Variants in EPB41 observed in about 807,000 individuals in gnomAD.
EPB41 encodes erythrocyte membrane protein band 4.1, also known as protein 4.1.
Under a neutral mutation model 108.0 loss-of-function variants are expected in EPB41, and 65 were observed. The observed-to-expected ratio is 0.60, with a 90% CI of 0.49 to 0.74. EPB41 has a LOEUF of 0.74. EPB41 is among the 30% of genes least tolerant of loss of function. EPB41 has a pLI of 0.00. For missense variants in EPB41, 875 were observed against 1,037.0 expected, an observed-to-expected ratio of 0.84 and a Z score of 2.15; for synonymous variants, 336 against 358.9, an observed-to-expected ratio of 0.94 and a Z score of 0.72.
intron 1 of EPB41, among the ~76,000 whole-genome samples, chr1:28,915,263 G>A (rs891294930): frequency 6.6e-6 from 1 of 152,130 alleles, no homozygotes; most frequent in East Asian, 1.9e-4. Context: ...AGGCCTTCCC[G>A]CCACCGACGC....
At chr1:29,100,952 C>T (rs1159577010) in intron 17 of EPB41, among the ~76,000 whole-genome samples, 3 of 150,224 alleles carry the variant, frequency 2.0e-5, no homozygotes, top group Non-Finnish European at 4.4e-5. Flanking sequence ...GGGCCGGGTG[C>T]AGTGGCTCAC....
intron 1 of EPB41, among the ~76,000 whole-genome samples, chr1:28,982,097 A>G (rs564052372): frequency 2.6e-4 from 38 of 144,430 alleles, no homozygotes; most frequent in Non-Finnish European, 4.7e-4. Flanking sequence ...TCCTGTGTCC[A>G]TGTGTTCTCG....
At chr1:29,060,516 G>T in intron 15 of EPB41, 32 bp downstream of exon 15, 4 of 1,586,394 alleles carry the variant, frequency 2.5e-6, no homozygotes, top group Non-Finnish European at 3.5e-6. Context: ...ATTTCAGTTG[G>T]TTGCCTGGAA....
At chr1:29,013,983 A>T (rs2096544351) in intron 5 of EPB41, among the ~76,000 whole-genome samples, 1 of 151,954 alleles carries the variant, frequency 6.6e-6, no homozygotes, top group Non-Finnish European at 1.5e-5. Flanking sequence ...ATAATCTGCA[A>T]TATTTTTTTC....
intron 7 of EPB41, among the ~76,000 whole-genome samples, chr1:29,021,768 G>A (rs1411763864): frequency 2.0e-5 from 3 of 152,056 alleles, no homozygotes; most frequent in Non-Finnish European, 4.4e-5. Context: ...ATATTTAGTA[G>A]AGACAAGGTT....
chr1:29,006,044 T>C (rs2096393855), intron 4 of EPB41, among the ~76,000 whole-genome samples: 2 of 152,188 alleles, frequency 1.3e-5, no homozygotes, highest in Admixed American at 1.3e-4. Context: ...TAGAACTAGA[T>C]TATTCAGAAT....
intron 1 of EPB41, among the ~76,000 whole-genome samples, chr1:28,975,132 A>G (rs895999867): frequency 6.6e-6 from 1 of 151,668 alleles, no homozygotes; most frequent in East Asian, 1.9e-4. Context: ...GGGTTTTACC[A>G]TGTTGGTCAG....
chr1:29,035,795 T>G (rs749306047), intron 9 of EPB41, 31 bp from the exon 10 acceptor site: 1 of 1,485,018 alleles, frequency 6.7e-7, no homozygotes, highest in Non-Finnish European at 9.4e-7. Flanking sequence ...ATGTAATACT[T>G]CATGTCCCAT....
intron 16 of EPB41, among the ~76,000 whole-genome samples, chr1:29,078,449 C>A: frequency 6.6e-6 from 1 of 151,928 alleles, no homozygotes; most frequent in East Asian, 1.9e-4. Flanking sequence ...AGTCAGGGTA[C>A]ACCTGAACTG....
At chr1:29,029,058 T>A (rs551492842) in intron 7 of EPB41, among the ~76,000 whole-genome samples, 120 of 149,452 alleles carry the variant, frequency 8.0e-4, no homozygotes, top group African/African-American at 2.6e-3. Flanking sequence ...AAAAAAAAAA[T>A]TCTAAAATTC....
At chr1:29,078,579 A>C (rs908821102) in intron 16 of EPB41, among the ~76,000 whole-genome samples, 3 of 151,654 alleles carry the variant, frequency 2.0e-5, no homozygotes, top group African/African-American at 7.3e-5. Context: ...GGAGCTCAAG[A>C]CCCATCTCTA....
chr1:28,968,187 T>A (rs918578903), intron 1 of EPB41, among the ~76,000 whole-genome samples: 1 of 151,940 alleles, frequency 6.6e-6, no homozygotes, highest in Middle Eastern at 3.4e-3. Flanking sequence ...TGAAACCCTG[T>A]CTCTACTAAA....
intron 1 of EPB41, among the ~76,000 whole-genome samples, chr1:28,965,339 A>T (rs569533346): frequency 6.6e-6 from 1 of 152,148 alleles, no homozygotes; most frequent in Non-Finnish European, 1.5e-5. Context: ...TAATGTTTTC[A>T]TAGAACCTAG....
intron 1 of EPB41, chr1:28,893,922 A>T (rs2090395162): frequency 6.6e-6 from 1 of 152,260 alleles, no homozygotes; most frequent in African/African-American, 2.4e-5. Context: ...GGAGGCGTAA[A>T]GAGAGGCCCG....
rs769809335 is a variant in EPB41 at position 29,033,198 on chromosome 1, A to T, written c.1318A>T (p.Ile440Phe). The T allele has an allele frequency of 6.2e-7, 1 of 1,614,012 alleles. No individual in the cohort carries two copies. Among genetic ancestry groups the T allele is most frequent in the Admixed American group, 1.7e-5 (1 of 60,008 alleles). Residue 440 changes from isoleucine (I) to phenylalanine (F), a missense_variant, in exon 9 of 21, where the codon ATT (isoleucine) becomes TTT (phenylalanine). Ile to Phe is a conservative substitution (Grantham distance 21). Coordinates refer to ENST00000343067, the MANE Select transcript of EPB41 (RefSeq NM_001376013.1). ...CTTCCCTTGGCCCAAAGTGCTGAAG[A>T]TTTCTTATAAACGTAGTAGCTTTTT... ...NRFPWPKVLK[I>F]SYKRSSFFIK...
chr1:29,061,516 A>G (rs908719204), intron 15 of EPB41, among the ~76,000 whole-genome samples: 9 of 135,396 alleles, frequency 6.6e-5, no homozygotes, highest in South Asian at 4.8e-4. Flanking sequence ...TGATTCGCCC[A>G]CCTTGGCCTC....
At chr1:28,897,796 G>C (rs1007289503) in intron 1 of EPB41, among the ~76,000 whole-genome samples, 6 of 152,164 alleles carry the variant, frequency 3.9e-5, no homozygotes, top group Non-Finnish European at 8.8e-5. Flanking sequence ...TTGCCTCGAA[G>C]ATTCAGTGAT....
intron 1 of EPB41, among the ~76,000 whole-genome samples, chr1:28,902,591 A>G (rs2091417738): frequency 1.3e-5 from 2 of 151,912 alleles, no homozygotes; most frequent in South Asian, 4.2e-4. Context: ...CTCAACTGCT[A>G]TTTTCCCCAG....
At chr1:28,924,367 A>G (rs973451173) in intron 1 of EPB41, among the ~76,000 whole-genome samples, 2 of 152,218 alleles carry the variant, frequency 1.3e-5, no homozygotes, top group African/African-American at 4.8e-5. Flanking sequence ...CGTCTCTACT[A>G]AAAATAGAAG....
Sources: allele counts gnomAD v4.1 joint callset (sites outside exome capture counted in the v4.1 genomes callset), GRCh38; gene constraint gnomAD v4.1.1; transcripts MANE v1.5; gene names NCBI Gene and HGNC (gene_info 2026-07-23, HGNC 2026-07-21).